RYR3: variants seen among roughly 807,000 people sequenced by gnomAD.
RYR3 encodes ryanodine receptor 3.
A neutral mutation model predicts 584.3 loss-of-function variants in RYR3; 207 were observed. The observed-to-expected ratio is 0.35, with a 90% CI of 0.32 to 0.40. RYR3 has a LOEUF of 0.40. Ranked by LOEUF, RYR3 falls within the 10% of genes least tolerant of loss-of-function variation. RYR3 has a pLI of 1.00. For missense variants in RYR3, 5,616 were observed against 6,089.2 expected (o/e 0.92, Z 2.59); for synonymous variants, 2,416 against 2,248.5 (o/e 1.07, Z -2.11).
chr15:33,668,233 C>T (rs1430270084), intron 36 of RYR3, among the ~76,000 whole-genome samples: 4 of 151,620 alleles, frequency 2.6e-5, no homozygotes, highest in Non-Finnish European at 5.9e-5. Flanking sequence ...AGGAGAATGG[C>T]GTGAACCCGG....
chr15:33,493,674 A>G (rs1435877102), intron 2 of RYR3, among the ~76,000 whole-genome samples: 2 of 152,126 alleles, frequency 1.3e-5, no homozygotes, highest in Non-Finnish European at 2.9e-5. Context: ...GGAATATGAA[A>G]TTTTGCCAGT....
intron 66 of RYR3, among the ~76,000 whole-genome samples, chr15:33,787,213 C>T (rs1037646382): frequency 6.6e-6 from 1 of 152,100 alleles, no homozygotes. Flanking sequence ...AAGTAGTAAC[C>T]CCAAATCACC....
intron 1 of RYR3, among the ~76,000 whole-genome samples, chr15:33,465,558 G>A (rs997773185): frequency 6.6e-6 from 1 of 151,512 alleles, no homozygotes; most frequent in African/African-American, 2.4e-5. Context: ...GGACCTTGTA[G>A]GCCATAGTAA....
chr15:33,555,769 G>A (rs1330658204), intron 10 of RYR3, among the ~76,000 whole-genome samples: 1 of 152,154 alleles, frequency 6.6e-6, no homozygotes, highest in Non-Finnish European at 1.5e-5. Context: ...GGAGAAAAGA[G>A]CCCAGTACAG....
chr15:33,738,483 T>C lies in RYR3; in HGVS notation c.7549T>C (p.Tyr2517His). The C allele has an allele frequency of 6.2e-7, 1 of 1,613,922 alleles. No individual in the cohort carries two copies. The highest frequency in any genetic ancestry group is 8.5e-7 in the Non-Finnish European group (1 of 1,179,838). ...LTNHYEQCWKYYCLPSGWGSY... is the reference protein window; with the variant it reads ...LTNHYEQCWKHYCLPSGWGSY... ...GAATCACTATGAACAGTGTTGGAAG[T>C]ATTACTGCCTGCCTTCAGGATGGGG... The change falls in exon 50 of 104, where the codon TAT becomes CAT. Residue 2517 changes from tyrosine to histidine, a missense_variant. Tyr to His is a moderately conservative substitution (Grantham distance 83, BLOSUM62 2). Around this residue, in one of 9 missense-constraint regions of RYR3, gnomAD observed 1,280 missense variants for 1,426.2 expected, o/e 0.90. Transcript: ENST00000634891.
At chr15:33,756,037 G>A (rs994811830) in intron 58 of RYR3, among the ~76,000 whole-genome samples, 1 of 152,218 alleles carries the variant, frequency 6.6e-6, no homozygotes, top group Non-Finnish European at 1.5e-5. Flanking sequence ...GCTTCCCAAA[G>A]TGTTGGGATT....
chr15:33,372,171 G>C (rs1431221099), intron 1 of RYR3, among the ~76,000 whole-genome samples: 1 of 152,080 alleles, frequency 6.6e-6, no homozygotes, highest in East Asian at 1.9e-4. Context: ...TGAAGAAACA[G>C]GTTTTGATAT....
At chr15:33,740,917 A>C (rs1446711095) in intron 51 of RYR3, among the ~76,000 whole-genome samples, 1 of 152,218 alleles carries the variant, frequency 6.6e-6, no homozygotes, top group East Asian at 1.9e-4. Flanking sequence ...CAGAATTGAA[A>C]CTGCTGTTAA....
At chr15:33,623,658 T>C in intron 19 of RYR3, 149 bp from the exon 20 acceptor site, 1 of 623,158 alleles carries the variant, frequency 1.6e-6, no homozygotes, top group Non-Finnish European at 2.8e-6. Flanking sequence ...ACATACTGGA[T>C]GATGTTTGCT....
chr15:33,336,472 GAGAGAGAGAGAGA>G (rs1567046893), intron 1 of RYR3, among the ~76,000 whole-genome samples: 2 of 20,030 alleles, frequency 1.0e-4, no homozygotes, highest in Non-Finnish European at 1.6e-4. Flanking sequence ...GAGAGAGAGA[GAGAGAGAGAGAGA>G]GAAAGAAAGA....
In RYR3 at chr15:33,720,294, A is replaced by G. The variant is rs372063339; in HGVS notation, c.6620-2421A>G. On this transcript the variant is annotated intron_variant, in intron 43 of 103. Coordinates refer to ENST00000634891, the MANE Select transcript of RYR3 (RefSeq NM_001036.6). ...TAGACTCTTCAGGGCTGTGAGACAC[A>G]TTCGGTATGTTCAAGATTGAGTTTG... is the stretch of plus-strand genomic sequence containing the variant. Among the ~76,000 whole-genome samples, 5 of 152,308 alleles carry G rather than the reference A, an allele frequency of 3.3e-5. No homozygotes were observed. In the East Asian group the frequency reaches 5.8e-4, roughly 18 times the overall value.
chr15:33,408,488 G>T (rs1299839107), intron 1 of RYR3, among the ~76,000 whole-genome samples: 3 of 152,138 alleles, frequency 2.0e-5, no homozygotes, highest in African/African-American at 7.2e-5. Flanking sequence ...CTTTTTATTA[G>T]AACAATTTTC....
At chr15:33,533,478 G>C in intron 5 of RYR3, 89 bp downstream of exon 5, 1 of 894,568 alleles carries the variant, frequency 1.1e-6, no homozygotes, top group South Asian at 1.6e-5. Flanking sequence ...TTACTCATTT[G>C]GGATTCCAAA....
chr15:33,483,535 A>T (rs917235338), intron 2 of RYR3, among the ~76,000 whole-genome samples: 8 of 152,148 alleles, frequency 5.3e-5, no homozygotes, highest in African/African-American at 1.9e-4. Flanking sequence ...CCTTAGTTCT[A>T]AGGTGCTGTT....
At chr15:33,632,465 A>G in intron 23 of RYR3, among the ~76,000 whole-genome samples, 1 of 152,224 alleles carries the variant, frequency 6.6e-6, no homozygotes, top group South Asian at 2.1e-4. Flanking sequence ...ATACTCTGAC[A>G]TCATTCTTTT....
At chr15:33,859,862 T>A in intron 100 of RYR3, 131 bp downstream of exon 100, 2 of 1,004,634 alleles carry the variant, frequency 2.0e-6, no homozygotes, top group East Asian at 2.6e-5. Flanking sequence ...CAAGAACTAA[T>A]TTAGCATCTA....
intron 85 of RYR3, among the ~76,000 whole-genome samples, chr15:33,829,733 C>A (rs2077569177): frequency 7.2e-6 from 1 of 139,836 alleles, no homozygotes. Context: ...GCCTGGGCAA[C>A]AGAGCGAGAC....
chr15:33,700,942 G>A, intron 41 of RYR3, 35 bp from the exon 42 acceptor site: 1 of 1,504,992 alleles, frequency 6.6e-7, no homozygotes, highest in Non-Finnish European at 9.2e-7. Flanking sequence ...GTCTTCCTCT[G>A]TCCTTTTCTT....
chr15:33,399,180 A>G (rs181602529), intron 1 of RYR3, among the ~76,000 whole-genome samples: 63 of 152,222 alleles, frequency 4.1e-4, no homozygotes, highest in African/African-American at 1.5e-3. Context: ...CTGCCTCTTC[A>G]TTTTTGAAAT....
Sources: gnomAD v4.1 joint callset for allele counts (sites outside exome capture counted in the v4.1 genomes callset) on GRCh38, gnomAD v4.1.1 for gene constraint, gnomAD v4.1.1 regional missense constraint, MANE v1.5 for transcripts, NCBI Gene and HGNC (gene_info 2026-07-23, HGNC 2026-07-21) for gene names.